The following RRH variants were observed in gnomAD, a reference collection of about 807,000 sequenced individuals.
RRH encodes the protein retinal pigment epithelium-derived rhodopsin homolog, also known as visual pigment-like receptor peropsin.
RRH carries 36 observed loss-of-function variants against 33.1 expected under a neutral mutation model. The observed-to-expected ratio is 1.09, with a 90% confidence interval of 0.83 to 1.44. The LOEUF (loss-of-function observed/expected upper bound fraction) is 1.44, where lower values mean the gene tolerates loss of function less well. RRH is among the 40% of genes most tolerant of loss of function. The pLI is 0.00. For synonymous variants in RRH, 124 were observed against 140.2 expected, an observed-to-expected ratio of 0.88 and a Z score of 0.82; for missense variants, 393 against 420.2, an observed-to-expected ratio of 0.94 and a Z score of 0.57.
intron 1 of RRH, 92 bp from the exon 2 acceptor site, chr4:109,833,047 T>C (rs758029916): frequency 1.1e-4 from 116 of 1,026,138 alleles, no homozygotes; most frequent in Non-Finnish European, 1.7e-4. Flanking sequence ...AGATCTGTTA[T>C]GTTTTTAAAG....
Position 109,844,215 on chromosome 4 carries a change from C to T in RRH, c.*18C>T, listed in dbSNP as rs753224057. 113 of 1,498,916 alleles carry T rather than the reference C, an allele frequency of 7.5e-5. No individual in the cohort carries two copies. Among genetic ancestry groups the T allele is most frequent in the South Asian group, 1.1e-4 (10 of 88,748 alleles). The allele number at this position is 1,498,916 out of a possible 1,614,324, so 92.9% of individuals were successfully genotyped here. A position where few individuals can be genotyped will look rare whatever the true frequency, so the allele number is the denominator to read the frequency against. On this transcript the variant is annotated 3_prime_UTR_variant, in exon 7 of 7. Coordinates refer to ENST00000317735, the MANE Select transcript of RRH (RefSeq NM_006583.5). ...GAATCTGAAATAAGATAAAAGGACACACTATCAAAACACTTTAGTTTTTTG... is the reference window on the plus strand; with the variant it reads ...GAATCTGAAATAAGATAAAAGGACATACTATCAAAACACTTTAGTTTTTTG...
At chr4:109,829,198 A>C (rs1361932589) in intron 1 of RRH, among the ~76,000 whole-genome samples, 1 of 152,026 alleles carries the variant, frequency 6.6e-6, no homozygotes, top group African/African-American at 2.4e-5. Flanking sequence ...TTTCTTCCTT[A>C]TAATTCAGCG....
intron 1 of RRH, among the ~76,000 whole-genome samples, chr4:109,830,250 A>T (rs1349211879): frequency 2.0e-5 from 3 of 152,132 alleles, no homozygotes; most frequent in Non-Finnish European, 4.4e-5. Context: ...GAGAGGTTGA[A>T]AAAGATGGCT....
intron 6 of RRH, among the ~76,000 whole-genome samples, chr4:109,843,445 G>A (rs559810944): frequency 3.5e-4 from 54 of 152,226 alleles, no homozygotes; most frequent in Middle Eastern, 3.4e-3. Flanking sequence ...TCCTGACCTC[G>A]TGATCCGCCC....
intron 1 of RRH, among the ~76,000 whole-genome samples, chr4:109,831,125 T>C (rs553803427): frequency 6.6e-6 from 1 of 152,330 alleles, no homozygotes; most frequent in South Asian, 2.1e-4. Flanking sequence ...CCCAGAATTA[T>C]AGTTCCTTTA....
intron 5 of RRH, among the ~76,000 whole-genome samples, chr4:109,841,709 T>A (rs1261981138): frequency 2.6e-5 from 4 of 152,206 alleles, no homozygotes; most frequent in Admixed American, 1.3e-4. Flanking sequence ...TATTCTCATG[T>A]TTCTTACATA....
At chr4:109,828,202 G>C in intron 1 of RRH, 69 bp downstream of exon 1, 2 of 1,056,080 alleles carry the variant, frequency 1.9e-6, no homozygotes, top group Non-Finnish European at 1.5e-6. Flanking sequence ...TCAGCATAAG[G>C]CATGCATTGT....
Position 109,844,341 on chromosome 4 carries a change from G to C in RRH, c.*144G>C, listed in dbSNP as rs141905664. The C allele has an allele frequency of 6.3e-4, 380 of 605,204 alleles. 2 individuals are homozygous for C. In the African/African-American group the frequency reaches 6.4e-3, roughly 10 times the overall value. 37.5% of individuals were successfully genotyped at this position (605,204 alleles called of 1,614,324 possible). On this transcript the variant is annotated 3_prime_UTR_variant, in exon 7 of 7. Coordinates refer to ENST00000317735, the MANE Select transcript of RRH (RefSeq NM_006583.5). ...CTCCTCAAGCACAGCTCGTGCTTCT[G>C]TTTGTGCACTCTGGCTGCTGTAGTG...
At chr4:109,830,307 A>G (rs961489018) in intron 1 of RRH, among the ~76,000 whole-genome samples, 1 of 152,162 alleles carries the variant, frequency 6.6e-6, no homozygotes, top group Middle Eastern at 3.2e-3. Flanking sequence ...GGTGACAGGG[A>G]GTCACTGAAG....
At chr4:109,842,974 A>AC (rs1464075659) in intron 6 of RRH, among the ~76,000 whole-genome samples, 1 of 152,142 alleles carries the variant, frequency 6.6e-6, no homozygotes, top group African/African-American at 2.4e-5. Context: ...TCAAATGGTT[A>AC]CCCCCACCCC....
intron 1 of RRH, among the ~76,000 whole-genome samples, chr4:109,832,394 T>A (rs1458543768): frequency 6.6e-6 from 1 of 150,750 alleles, no homozygotes; most frequent in Non-Finnish European, 1.5e-5. Context: ...GAAACTTGAT[T>A]AAGGTGGTAT....
At position 109,841,389 on chromosome 4, in the gene RRH, T is replaced by C. The variant is rs557708857; in HGVS notation, c.721-1080T>C. On this transcript the variant is annotated intron_variant, in intron 5 of 6. Coordinates refer to ENST00000317735, the MANE Select transcript of RRH (RefSeq NM_006583.5). The stretch of plus-strand genomic sequence containing the variant: ...CTGAAGTGCTTAGCTGAACCTGGTG[T>C]CCCTGTGTTCTGAGTTTCCCAAATT... Among the ~76,000 whole-genome samples the C allele has an allele frequency of 1.1e-4, 17 of 152,288 alleles. 1 individual carries two copies. In the South Asian group the frequency reaches 3.5e-3, roughly 32 times the overall value.
rs1025575783 is a variant in RRH at position 109,844,935 on chromosome 4, A to G, written c.*738A>G. 2.6e-5 allele frequency among the ~76,000 whole-genome samples: 4 copies of G among 152,182 alleles called. No individual in the cohort carries two copies. Among genetic ancestry groups the G allele is most frequent in the Non-Finnish European group, 4.4e-5 (3 of 68,026 alleles). ...TAGGCACTCAATAAATATTTTTTCA[A>G]TGTCAAATGAATTTGTAGACTTCAC... On this transcript the variant is annotated 3_prime_UTR_variant, in exon 7 of 7. Transcript: ENST00000317735.
intron 1 of RRH, among the ~76,000 whole-genome samples, chr4:109,832,736 G>A (rs1033770599): frequency 4.6e-5 from 7 of 151,938 alleles, no homozygotes; most frequent in African/African-American, 7.3e-5. Context: ...GGCAACTATC[G>A]AAAAAGAAGA....
chr4:109,836,891 C>CAAAAAAAAAAAAAAAAAAAAAAAAAAAAA (rs56989659), intron 4 of RRH, among the ~76,000 whole-genome samples: 1 of 84,416 alleles, frequency 1.2e-5, no homozygotes, highest in Admixed American at 1.4e-4. Context: ...CCTGTCTCTA[C>CAAAAAAAAAAAAAAAAAAAAAAAAAAAAA]AAAAAAAAAA....
chr4:109,836,222 T>C (rs1357236414), intron 4 of RRH, 62 bp downstream of exon 4: 2 of 1,566,874 alleles, frequency 1.3e-6, no homozygotes, highest in African/African-American at 2.7e-5. Flanking sequence ...TCTCACCCTT[T>C]CAAATTTAAG....
At chr4:109,841,469 G>C (rs976826996) in intron 5 of RRH, among the ~76,000 whole-genome samples, 3 of 152,030 alleles carry the variant, frequency 2.0e-5, no homozygotes, top group African/African-American at 7.2e-5. Flanking sequence ...GAGAGGAAGG[G>C]GAAGTTACTG....
At chr4:109,832,495 AGTGTGTGTGTGTGTGTGT>A (rs36127904) in intron 1 of RRH, among the ~76,000 whole-genome samples, 8 of 135,180 alleles carry the variant, frequency 5.9e-5, no homozygotes, top group Admixed American at 7.5e-5. Flanking sequence ...CTATTGGGGT[AGTGTGTGTGTGTGTGTGT>A]GTGTGTGTGT....
In RRH at chr4:109,837,577, A is replaced by C. The variant is rs904253803; in HGVS notation, c.692A>C (p.Asp231Ala). 2 of 1,613,926 alleles carry C rather than the reference A, an allele frequency of 1.2e-6. No individual in the cohort carries two copies. Among genetic ancestry groups the C allele is most frequent in the African/African-American group, 2.7e-5 (2 of 74,922 alleles). Reference protein sequence around the residue: ...TSDCTESLNRDWSDQIDVTKM... With the variant: ...TSDCTESLNRAWSDQIDVTKM... ...GACTGCACTGAGTCCCTCAACAGAG[A>C]CTGGTCAGATCAGATAGATGTAACA... is the stretch of plus-strand genomic sequence containing the variant. Residue 231 changes from aspartate (D) to alanine (A), a missense_variant, in exon 5 of 7, where the codon GAC becomes GCC. Physicochemically the swap from Asp to Ala is moderately radical, Grantham distance 126. Transcript: ENST00000317735.
Sources: gnomAD v4.1 joint callset for allele counts (sites outside exome capture counted in the v4.1 genomes callset) on GRCh38, gnomAD v4.1.1 for gene constraint, MANE v1.5 for transcripts, NCBI Gene and HGNC (gene_info 2026-07-23, HGNC 2026-07-21) for gene names.